Variants in UACA observed in about 807,000 individuals in gnomAD.
The protein encoded by UACA is nuclear membrane binding protein.
UACA carries 112 observed loss-of-function variants against 160.5 expected under a neutral mutation model. The observed-to-expected ratio is 0.70, with a 90% CI of 0.60 to 0.82. The LOEUF (loss-of-function observed/expected upper bound fraction) is 0.82. Among genes scored for constraint, UACA ranks in the 40% least tolerant of loss-of-function variants. The probability of loss-of-function intolerance (pLI) is 0.00; values close to 1 mark genes in which losing one functional copy is unlikely to be tolerated. For missense variants in UACA, 1,574 were observed against 1,614.6 expected, an observed-to-expected ratio of 0.97 and a Z score of 0.43; for synonymous variants, 557 against 568.4, an observed-to-expected ratio of 0.98 and a Z score of 0.29.
At chr15:70,658,183 GT>G (rs1896553421) in intron 18 of UACA, among the ~76,000 whole-genome samples, 1 of 152,180 alleles carries the variant, frequency 6.6e-6, no homozygotes, top group East Asian at 1.9e-4. Context: ...TTTGTAACTT[GT>G]TTTTTTATGT....
chr15:70,693,247 A>G (rs1345457237), intron 3 of UACA, among the ~76,000 whole-genome samples: 1 of 152,192 alleles, frequency 6.6e-6, no homozygotes, highest in Non-Finnish European at 1.5e-5. Flanking sequence ...GGAAATATCA[A>G]ATCTAGCCAC....
In UACA at chr15:70,763,554, T is replaced by G. The variant is rs1379769597; in HGVS notation, c.-147A>C. 3.2e-6 allele frequency: 4 copies of G among 1,240,762 alleles called. No individual in the cohort carries two copies. In the East Asian group the frequency reaches 1.3e-4, roughly 39 times the overall value. The allele number at this position is 1,240,762 out of a possible 1,614,324, so 76.9% of individuals were successfully genotyped here. On this transcript the variant is annotated 5_prime_UTR_variant, in exon 1 of 19. Coordinates refer to ENST00000322954, the MANE Select transcript of UACA (RefSeq NM_018003.4). ...ACCTGCGGGCCCCGGGCAGCAGACG[T>G]CGACAGGCCTGAGGCGGGGCTCCCC...
chr15:70,663,390 A>T (rs1896788165), intron 17 of UACA, among the ~76,000 whole-genome samples: 2 of 152,132 alleles, frequency 1.3e-5, no homozygotes, highest in African/African-American at 2.4e-5. Flanking sequence ...GAGAAATAGG[A>T]ACACTTTTAC....
At chr15:70,658,392 A>G (rs760347506) in intron 18 of UACA, among the ~76,000 whole-genome samples, 2 of 152,316 alleles carry the variant, frequency 1.3e-5, no homozygotes, top group African/African-American at 2.4e-5. Context: ...TCTGTTAAGT[A>G]CTACAAAATT....
At chr15:70,694,696 C>T (rs1898066256) in intron 3 of UACA, among the ~76,000 whole-genome samples, 1 of 152,114 alleles carries the variant, frequency 6.6e-6, no homozygotes, top group Admixed American at 6.5e-5. Context: ...TTCTCCATCA[C>T]AAGAAACATC....
chr15:70,691,341 A>G lies in UACA; in HGVS notation c.324T>C (p.Ala108=), dbSNP rs575121985. The G allele has an allele frequency of 1.5e-4, 247 of 1,609,800 alleles. 1 individual carries two copies. The highest frequency in any genetic ancestry group is 1.3e-3 in the South Asian group (119 of 90,198). The change falls in exon 4 of 19, where the codon GCT becomes GCC. Residue 108 remains alanine (A), a synonymous_variant. Transcript: ENST00000322954. ...GGCACAATGCATGTCCATACTTAGC[A>G]GCCAGGTGAAGAGCATTTCTCCCTA... ...DTAGRNALHL[A]AKYGHALCLQ...
At chr15:70,756,003 T>C (rs149490622) in intron 1 of UACA, among the ~76,000 whole-genome samples, 96 of 152,314 alleles carry the variant, frequency 6.3e-4, no homozygotes, top group Non-Finnish European at 1.1e-3. Flanking sequence ...TTATACCGAC[T>C]TCTATAATAA....
the UACA span, among the ~76,000 whole-genome samples, chr15:70,771,662 G>C: frequency 2.0e-5 from 3 of 152,218 alleles, no homozygotes; most frequent in Non-Finnish European, 4.4e-5. Flanking sequence ...TAATGTGCTA[G>C]AGAACAAAGT....
chr15:70,700,301 G>GTATATATATATATATATATATATGTA (rs142277997), intron 1 of UACA, among the ~76,000 whole-genome samples: 1 of 129,876 alleles, frequency 7.7e-6, no homozygotes. Context: ...GAGGCAAATT[G>GTATATATATATATATATATATATGTA]TATATATATA....
rs748422160 is a variant in UACA, at chr15:70,656,744, G to A, written c.*312C>T. On this transcript the variant is annotated 3_prime_UTR_variant, in exon 19 of 19. Transcript: ENST00000322954. ...TAAGCAATTATTTCAGCCTAACCTC[G>A]CTTCATATGGACTCACTCAGATGGC... 4.7e-5 allele frequency: 10 copies of A among 212,900 alleles called. No individual in the cohort carries two copies. The highest frequency in any genetic ancestry group is 1.0e-4 in the East Asian group (1 of 9,814). 13.2% of individuals were successfully genotyped at this position (212,900 alleles called of 1,614,324 possible). A position where few individuals can be genotyped will look rare whatever the true frequency, so the allele number is the denominator to read the frequency against.
chr15:70,689,641 C>T (rs527649820), intron 5 of UACA, among the ~76,000 whole-genome samples: 22 of 152,120 alleles, frequency 1.4e-4, no homozygotes, highest in Non-Finnish European at 2.5e-4. Context: ...TGCATATATT[C>T]CATATACATG....
At chr15:70,778,738 T>C in the UACA span, 2 of 152,248 alleles carry the variant, frequency 1.3e-5, no homozygotes, top group Non-Finnish European at 2.9e-5. Flanking sequence ...GCCTATTATA[T>C]CTGGCGACTC....
intron 5 of UACA, 109 bp downstream of exon 5, chr15:70,690,341 ATTCT>A (rs1595890644): frequency 3.1e-6 from 3 of 980,194 alleles, no homozygotes; most frequent in African/African-American, 3.3e-5. Flanking sequence ...GGTTTTTAAT[ATTCT>A]TTGTTTCTCC....
the UACA span, among the ~76,000 whole-genome samples, chr15:70,772,241 C>A: frequency 3.9e-5 from 6 of 151,926 alleles, no homozygotes; most frequent in African/African-American, 1.4e-4. Flanking sequence ...CGCCTGTAAT[C>A]CCAGCACTTT....
Position 70,677,080 on chromosome 15 carries a change from A to C in UACA, c.1032+28T>G, listed in dbSNP as rs749359938. The C allele has an allele frequency of 7.0e-6, 11 of 1,576,542 alleles. No individual in the cohort carries two copies. In the East Asian group the frequency reaches 2.0e-4, roughly 29 times the overall value. ...CATCTTCAATTCCTAAAACAATTTT[A>C]ATGGTTTAAAATAAAATGTCACCCT... On this transcript the variant is annotated intron_variant, in intron 12 of 18. Transcript: ENST00000322954.
chr15:70,684,310 C>T lies in UACA; in HGVS notation c.739G>A (p.Asp247Asn). 1.2e-6 allele frequency: 2 copies of T among 1,613,576 alleles called. No homozygotes were observed. The highest frequency in any genetic ancestry group is 2.2e-5 in the South Asian group (2 of 90,974). The change falls in exon 8 of 19, where the codon GAC becomes AAC. Residue 247 changes from aspartate to asparagine, a missense_variant. Physicochemically the swap from Asp to Asn is conservative, Grantham distance 23 (BLOSUM62 1). Coordinates refer to ENST00000322954, the MANE Select transcript of UACA (RefSeq NM_018003.4). ...SYYARIGDNL[D>N]ILTLLKTASE... ...GCAGTCTTCAACAAGGTTAGAATGT[C>T]CAGATTGTCACCAATTCTTGCATAG...
intron 1 of UACA, chr15:70,703,185 G>T: frequency 7.8e-7 from 1 of 1,289,088 alleles, no homozygotes; most frequent in Non-Finnish European, 1.0e-6. Flanking sequence ...GGTGGCTGTT[G>T]TTGTTGTTTT....
chr15:70,707,236 G>A (rs1898546836), intron 1 of UACA, among the ~76,000 whole-genome samples: 1 of 152,102 alleles, frequency 6.6e-6, no homozygotes, highest in South Asian at 2.1e-4. Context: ...ACATGCAAAA[G>A]AACAAAGTTG....
intron 4 of UACA, 67 bp downstream of exon 4, chr15:70,691,232 A>T (rs981750138): frequency 8.7e-7 from 1 of 1,149,422 alleles, no homozygotes; most frequent in Non-Finnish European, 1.2e-6. Flanking sequence ...TTCCAAAAAC[A>T]CATTAAAAGT....
Sources: gnomAD v4.1 joint callset for allele counts (sites outside exome capture counted in the v4.1 genomes callset) on GRCh38, gnomAD v4.1.1 for gene constraint, MANE v1.5 for transcripts, NCBI Gene and HGNC (gene_info 2026-07-23, HGNC 2026-07-21) for gene names.